The following KCND2 variants were observed in gnomAD, a reference collection of about 807,000 sequenced individuals.
KCND2 encodes the protein A-type voltage-gated potassium channel KCND2.
In KCND2, 16 loss-of-function variants were observed where a neutral mutation model predicts 54.4. The observed-to-expected ratio is 0.29, with a 90% CI of 0.20 to 0.45. KCND2 has a LOEUF of 0.45. Among genes scored for constraint, KCND2 ranks in the 20% least tolerant of loss-of-function variants. KCND2 has a pLI of 1.00. For synonymous variants in KCND2, 317 were observed against 310.7 expected (o/e 1.02, Z -0.21); for missense variants, 486 against 824.2 (o/e 0.59, Z 5.02).
chr7:120,330,333 A>G (rs563589784), intron 1 of KCND2, among the ~76,000 whole-genome samples: 31 of 152,284 alleles, frequency 2.0e-4, no homozygotes, highest in African/African-American at 7.2e-4. Flanking sequence ...TAATCCCAGC[A>G]CTTTGGGAGG....
intron 1 of KCND2, among the ~76,000 whole-genome samples, chr7:120,492,956 C>T (rs1465292634): frequency 1.3e-5 from 2 of 151,880 alleles, no homozygotes; most frequent in Non-Finnish European, 2.9e-5. Flanking sequence ...TATATTGCTT[C>T]CCACCATTGT....
At chr7:120,301,491 T>G (rs1160034484) in intron 1 of KCND2, among the ~76,000 whole-genome samples, 2 of 152,162 alleles carry the variant, frequency 1.3e-5, no homozygotes, top group Non-Finnish European at 2.9e-5. Flanking sequence ...CTTAAAGGTT[T>G]GCAGGGTTTT....
chr7:120,300,231 A>G (rs1799565876), intron 1 of KCND2, among the ~76,000 whole-genome samples: 1 of 152,184 alleles, frequency 6.6e-6, no homozygotes, highest in African/African-American at 2.4e-5. Flanking sequence ...ACCAATTCAT[A>G]TTAGTGAGAT....
chr7:120,285,023 A>G lies in KCND2; in HGVS notation c.1115+9276A>G, dbSNP rs554208380. On this transcript the variant is annotated intron_variant, in intron 1 of 5. Coordinates refer to ENST00000331113, the MANE Select transcript of KCND2 (RefSeq NM_012281.3). Reference sequence around the variant, plus strand: ...AAAGATAAATAAATTCATGTAATACATAACAGGAAATTAAGAATATTGTTC... The same window carrying G: ...AAAGATAAATAAATTCATGTAATACGTAACAGGAAATTAAGAATATTGTTC... 2.0e-5 allele frequency among the ~76,000 whole-genome samples: 3 copies of G among 152,292 alleles called. No homozygotes were observed. In the East Asian group the frequency reaches 5.8e-4, roughly 29 times the overall value.
chr7:120,335,607 T>A (rs1376487792), intron 1 of KCND2, among the ~76,000 whole-genome samples: 1 of 151,664 alleles, frequency 6.6e-6, no homozygotes, highest in Non-Finnish European at 1.5e-5. Flanking sequence ...TGCCTCAGCC[T>A]CCTGGGTAGC....
At chr7:120,486,854 A>G (rs1802702122) in intron 1 of KCND2, among the ~76,000 whole-genome samples, 1 of 151,998 alleles carries the variant, frequency 6.6e-6, no homozygotes. Flanking sequence ...CTTGAGGAAT[A>G]CTAGATGTTA....
intron 1 of KCND2, among the ~76,000 whole-genome samples, chr7:120,374,190 T>A (rs1036045945): frequency 6.6e-6 from 1 of 151,822 alleles, no homozygotes; most frequent in Non-Finnish European, 1.5e-5. Context: ...ATATTTTGAT[T>A]AAATGTAATT....
chr7:120,411,557 T>C (rs1412430668), intron 1 of KCND2, among the ~76,000 whole-genome samples: 1 of 151,932 alleles, frequency 6.6e-6, no homozygotes, highest in Non-Finnish European at 1.5e-5. Flanking sequence ...GATCTACGCT[T>C]TGAGTGACTA....
chr7:120,707,476 C>T (rs1455517974), intron 1 of KCND2, among the ~76,000 whole-genome samples: 1 of 152,074 alleles, frequency 6.6e-6, no homozygotes, highest in African/African-American at 2.4e-5. Context: ...TCCCAAAACA[C>T]TCAAACACTC....
At chr7:120,569,985 T>A (rs185153495) in intron 1 of KCND2, among the ~76,000 whole-genome samples, 12 of 152,208 alleles carry the variant, frequency 7.9e-5, no homozygotes, top group Non-Finnish European at 1.5e-4. Flanking sequence ...AAAAAAACAC[T>A]GAAGCACTCC....
chr7:120,597,638 CTACAATTCTAAT>C (rs1792761867), intron 1 of KCND2, among the ~76,000 whole-genome samples: 1 of 152,162 alleles, frequency 6.6e-6, no homozygotes, highest in South Asian at 2.1e-4. Flanking sequence ...TTAAAGAGCT[CTACAATTCTAAT>C]TACACCATGA....
intron 1 of KCND2, among the ~76,000 whole-genome samples, chr7:120,375,599 A>C (rs1217785849): frequency 6.6e-6 from 1 of 151,822 alleles, no homozygotes; most frequent in Non-Finnish European, 1.5e-5. Flanking sequence ...TTATTTTTAT[A>C]TAGATAAAAA....
At chr7:120,598,795 T>G (rs1338676299) in intron 1 of KCND2, among the ~76,000 whole-genome samples, 2 of 152,232 alleles carry the variant, frequency 1.3e-5, no homozygotes, top group Non-Finnish European at 2.9e-5. Context: ...AACAGTCTTT[T>G]AAAGATAAAT....
At chr7:120,471,807 A>G (rs1802458325) in intron 1 of KCND2, among the ~76,000 whole-genome samples, 1 of 152,106 alleles carries the variant, frequency 6.6e-6, no homozygotes, top group Non-Finnish European at 1.5e-5. Flanking sequence ...ACTTTCTGAT[A>G]TTGAGTATTA....
At chr7:120,479,171 C>A (rs2116276063) in intron 1 of KCND2, among the ~76,000 whole-genome samples, 1 of 152,130 alleles carries the variant, frequency 6.6e-6, no homozygotes, top group African/African-American at 2.4e-5. Flanking sequence ...CAGCTAGAAA[C>A]AAAGGAAAAG....
In KCND2 at chr7:120,608,657, CT is replaced by C. The variant is rs752647343; in HGVS notation, c.1116-124243del. Among the ~76,000 whole-genome samples the C allele has an allele frequency of 5.7e-4, 87 of 152,248 alleles. No individual in the cohort carries two copies. The Middle Eastern group carries it at 0.02, about 36-fold the overall frequency. On this transcript the variant is annotated intron_variant, in intron 1 of 5. Transcript: ENST00000331113. ...TTTGGGCTTCCCACAATCATTTATT[CT>C]TTATGCCCAACCCTACGAAGTGGCA...
chr7:120,588,012 TGTCA>T lies in KCND2; in HGVS notation c.1116-144884_1116-144881del, dbSNP rs1352572560. 2.0e-5 allele frequency among the ~76,000 whole-genome samples: 3 copies of T among 152,172 alleles called. No individual in the cohort carries two copies. In the East Asian group the frequency reaches 5.8e-4, roughly 29 times the overall value. ...TCATGTTCATTTGTAAAGCCTAAAA[TGTCA>T]GTCAGTGAAAGGAACTCTCTTCACC... On this transcript the variant is annotated intron_variant, in intron 1 of 5. Coordinates refer to ENST00000331113, the MANE Select transcript of KCND2 (RefSeq NM_012281.3).
At chr7:120,537,379 G>A (rs1791925615) in intron 1 of KCND2, among the ~76,000 whole-genome samples, 1 of 152,124 alleles carries the variant, frequency 6.6e-6, no homozygotes, top group Non-Finnish European at 1.5e-5. Flanking sequence ...TAGAGCACAG[G>A]CAGGCTGGAT....
intron 1 of KCND2, among the ~76,000 whole-genome samples, chr7:120,430,111 C>G (rs2116161868): frequency 6.6e-6 from 1 of 152,244 alleles, no homozygotes; most frequent in Admixed American, 6.5e-5. Flanking sequence ...GAGGGTTAAA[C>G]AACAGAAATT....
Sources: allele counts gnomAD v4.1 joint callset (sites outside exome capture counted in the v4.1 genomes callset), GRCh38; gene constraint gnomAD v4.1.1; transcripts MANE v1.5; gene names NCBI Gene and HGNC (gene_info 2026-07-23, HGNC 2026-07-21).